Variants in GPC6 observed in about 807,000 individuals in gnomAD.
The protein encoded by GPC6 is glypican 6, also known as glypican-6.
A neutral mutation model predicts 55.2 loss-of-function variants in GPC6; 14 were observed. The ratio of observed to expected loss-of-function variants is 0.25; its 90% CI spans 0.17 to 0.40. The LOEUF is 0.40. Ranked by LOEUF, GPC6 falls within the 10% of genes least tolerant of loss-of-function variation. GPC6 has a pLI of 1.00. For synonymous variants in GPC6, 278 were observed against 259.6 expected (o/e 1.07, Z -0.68); for missense variants, 641 against 708.5 (o/e 0.90, Z 1.08).
chr13:93,900,063 C>G (rs532942561), intron 3 of GPC6, among the ~76,000 whole-genome samples: 109 of 152,252 alleles, frequency 7.2e-4, no homozygotes, highest in Middle Eastern at 3.4e-3. Context: ...CAGTTTCATC[C>G]TTCAACTATG....
At chr13:93,744,318 G>C (rs1156660393) in intron 2 of GPC6, among the ~76,000 whole-genome samples, 1 of 151,882 alleles carries the variant, frequency 6.6e-6, no homozygotes, top group Non-Finnish European at 1.5e-5. Context: ...GATGAAGCTC[G>C]TCTCTACCCA....
At chr13:93,473,366 A>G (rs1879193543) in intron 1 of GPC6, among the ~76,000 whole-genome samples, 1 of 152,108 alleles carries the variant, frequency 6.6e-6, no homozygotes, top group African/African-American at 2.4e-5. Context: ...GCACTGCTGG[A>G]GCGTGCACAC....
At chr13:94,018,476 A>G (rs1882569790) in intron 3 of GPC6, among the ~76,000 whole-genome samples, 1 of 151,918 alleles carries the variant, frequency 6.6e-6, no homozygotes, top group African/African-American at 2.4e-5. Context: ...TTTTTAGTAG[A>G]GATGGGGTTT....
At chr13:93,378,183 A>G (rs986615659) in intron 1 of GPC6, among the ~76,000 whole-genome samples, 2 of 152,222 alleles carry the variant, frequency 1.3e-5, no homozygotes, top group Non-Finnish European at 2.9e-5. Flanking sequence ...ACATAATTAT[A>G]TAGTTTTGAA....
At chr13:94,101,679 A>C (rs183916244) in intron 4 of GPC6, among the ~76,000 whole-genome samples, 80 of 152,240 alleles carry the variant, frequency 5.3e-4, no homozygotes, top group African/African-American at 1.7e-3. Context: ...GATGATGAAT[A>C]TATCTGTGAG....
intron 3 of GPC6, among the ~76,000 whole-genome samples, chr13:93,880,835 C>A (rs902739940): frequency 1.3e-5 from 2 of 148,578 alleles, no homozygotes; most frequent in East Asian, 2.0e-4. Context: ...AGTGATTACC[C>A]AATTTAAAAA....
chr13:94,155,300 G>A (rs903756105), intron 4 of GPC6, among the ~76,000 whole-genome samples: 2 of 152,084 alleles, frequency 1.3e-5, no homozygotes, highest in East Asian at 3.9e-4. Context: ...ACCCAAGCCA[G>A]AAACGAGTTA....
At chr13:94,216,312 A>C (rs1390825676) in intron 4 of GPC6, among the ~76,000 whole-genome samples, 1 of 152,248 alleles carries the variant, frequency 6.6e-6, no homozygotes, top group Non-Finnish European at 1.5e-5. Flanking sequence ...GAGGAAGAAC[A>C]TGACTTGAAT....
At chr13:93,222,032 C>T (rs1162901001), upstream of GPC6, among the ~76,000 whole-genome samples, 1 of 151,714 alleles carries the variant, frequency 6.6e-6, no homozygotes, top group East Asian at 1.9e-4. Flanking sequence ...TTTATAAACC[C>T]AAGGCTTTTA....
intron 3 of GPC6, among the ~76,000 whole-genome samples, chr13:93,967,988 A>C (rs891558865): frequency 1.3e-5 from 2 of 152,168 alleles, no homozygotes; most frequent in East Asian, 3.9e-4. Context: ...TCACCTTTTA[A>C]GGCCTTTCTA....
chr13:94,198,393 T>C (rs1889647601), intron 4 of GPC6, among the ~76,000 whole-genome samples: 1 of 152,168 alleles, frequency 6.6e-6, no homozygotes, highest in South Asian at 2.1e-4. Context: ...ATAACCATTC[T>C]CTCATCCTAA....
intron 2 of GPC6, among the ~76,000 whole-genome samples, chr13:93,726,168 C>CACT (rs1020607621): frequency 6.7e-5 from 10 of 148,176 alleles, no homozygotes; most frequent in African/African-American, 2.2e-4. Flanking sequence ...AGCAAATGCC[C>CACT]ACTTATGGAG....
chr13:93,364,504 T>C (rs1287142110), intron 1 of GPC6, among the ~76,000 whole-genome samples: 1 of 152,054 alleles, frequency 6.6e-6, no homozygotes, highest in Non-Finnish European at 1.5e-5. Context: ...TGCTATATGT[T>C]GCTGTGGTGT....
intron 2 of GPC6, among the ~76,000 whole-genome samples, chr13:93,632,565 G>A (rs1879495559): frequency 1.8e-5 from 1 of 55,040 alleles, no homozygotes; most frequent in Admixed American, 1.8e-4. Flanking sequence ...CTCCAGCCTG[G>A]GTGACAGAGC....
At chr13:93,464,035 GT>G (rs1318634498) in intron 1 of GPC6, among the ~76,000 whole-genome samples, 1 of 152,128 alleles carries the variant, frequency 6.6e-6, no homozygotes, top group African/African-American at 2.4e-5. Flanking sequence ...TAAAACTTAA[GT>G]TTACACTATA....
At chr13:94,137,324 A>T (rs999901842) in intron 4 of GPC6, among the ~76,000 whole-genome samples, 4 of 152,198 alleles carry the variant, frequency 2.6e-5, no homozygotes, top group African/African-American at 9.6e-5. Context: ...ACAATCTATT[A>T]TTGATGAGAA....
intron 1 of GPC6, among the ~76,000 whole-genome samples, chr13:93,323,314 G>T (rs1879522823): frequency 6.6e-6 from 1 of 152,120 alleles, no homozygotes; most frequent in Admixed American, 6.5e-5. Flanking sequence ...TTAAGTAATA[G>T]GAAAAGAATG....
intron 1 of GPC6, among the ~76,000 whole-genome samples, chr13:93,484,438 G>T (rs768100715): frequency 5.3e-4 from 81 of 152,200 alleles, no homozygotes; most frequent in Non-Finnish European, 9.3e-4. Flanking sequence ...TATTCTGAAA[G>T]ATTTTTGTCT....
intron 1 of GPC6, among the ~76,000 whole-genome samples, chr13:93,544,345 C>G (rs1444793755): frequency 6.6e-6 from 1 of 152,084 alleles, no homozygotes; most frequent in African/African-American, 2.4e-5. Flanking sequence ...ATTTTAATCA[C>G]AGAGTCAAGC....
Sources: allele counts gnomAD v4.1 joint callset (sites outside exome capture counted in the v4.1 genomes callset), GRCh38; gene constraint gnomAD v4.1.1; transcripts MANE v1.5; gene names NCBI Gene and HGNC (gene_info 2026-07-23, HGNC 2026-07-21).